The following TEX52 variants were observed in gnomAD, a reference collection of about 807,000 sequenced individuals.
TEX52 encodes testis-expressed protein 52.
In TEX52, 22 loss-of-function variants were observed where a neutral mutation model predicts 17.6. That is an observed-to-expected ratio of 1.25 (90% CI 0.89 to 1.78). The LOEUF (loss-of-function observed/expected upper bound fraction) is 1.78. Ranked by LOEUF, TEX52 falls within the 40% of genes most tolerant of loss-of-function variation. TEX52 has a pLI of 0.00. For synonymous variants in TEX52, 168 were observed against 147.4 expected, an observed-to-expected ratio of 1.14 and a Z score of -1.01; for missense variants, 396 against 372.3, an observed-to-expected ratio of 1.06 and a Z score of -0.52.
Position 2,854,936 on chromosome 12 carries a change from C to T in TEX52, c.583G>A (p.Asp195Asn), listed in dbSNP as rs775170397. The change falls in exon 2 of 3, where the codon GAT becomes AAT. Residue 195 changes from aspartate (D) to asparagine (N), a missense_variant. Asp to Asn is a conservative substitution (Grantham distance 23). Coordinates refer to ENST00000637658, the MANE Select transcript of TEX52 (RefSeq NM_001365174.2). ...GGCGGCTGGATGTTGCCCTGGGCATCGAGTGGGGGTGCTCTTGCCTCACTC... is the reference window on the plus strand; with the variant it reads ...GGCGGCTGGATGTTGCCCTGGGCATTGAGTGGGGGTGCTCTTGCCTCACTC... Reference protein sequence around the residue: ...LRSEARAPPLDAQGNIQPPAS... With the variant: ...LRSEARAPPLNAQGNIQPPAS... The T allele has an allele frequency of 7.5e-5, 115 of 1,535,924 alleles. 1 individual carries two copies. In the African/African-American group the frequency reaches 9.2e-4, roughly 12 times the overall value.
At position 2,856,944 on chromosome 12, in the gene TEX52, C is replaced by T. The variant is rs1312379755; in HGVS notation, c.72+11G>A. ...CAAAAAGGTAGGCGGCAGAGATGGGCCACCCCCTACCTGCAGGAAAGGTTC... is the reference window on the plus strand; with the variant it reads ...CAAAAAGGTAGGCGGCAGAGATGGGTCACCCCCTACCTGCAGGAAAGGTTC... On this transcript the variant is annotated intron_variant, in intron 1 of 2. Coordinates refer to ENST00000637658, the MANE Select transcript of TEX52 (RefSeq NM_001365174.2). 4 of 703,044 alleles carry T rather than the reference C, an allele frequency of 5.7e-6. No individual in the cohort carries two copies. The East Asian group carries it at 1.1e-4, about 19-fold the overall frequency. 43.6% of individuals were successfully genotyped at this position (703,044 alleles called of 1,614,324 possible).
chr12:2,854,557 C>T (rs183527327), intron 2 of TEX52, among the ~76,000 whole-genome samples: 6 of 152,228 alleles, frequency 3.9e-5, no homozygotes, highest in Non-Finnish European at 5.9e-5. Context: ...CCCCCTGTCT[C>T]GCACTCTGGG....
intron 2 of TEX52, among the ~76,000 whole-genome samples, chr12:2,854,550 C>G (rs191688745): frequency 6.6e-6 from 1 of 152,184 alleles, no homozygotes; most frequent in Admixed American, 6.5e-5. Context: ...TACAACACCC[C>G]CTGTCTCGCA....
chr12:2,848,896 CA>C (rs61196975), downstream of TEX52: 1,355 of 339,788 alleles, frequency 4.0e-3, 22 homozygotes, highest in African/African-American at 0.027. Flanking sequence ...CACACACACA[CA>C]CACACACACA....
chr12:2,853,659 G>A (rs1003522671), intron 2 of TEX52, among the ~76,000 whole-genome samples: 8 of 151,612 alleles, frequency 5.3e-5, no homozygotes, highest in Non-Finnish European at 1.0e-4. Flanking sequence ...CAACTCCCCA[G>A]TGCTTTGGTC....
rs1490514024 is a variant in TEX52, at chr12:2,849,063, A to G, written c.*168T>C. Reference sequence around the variant, plus strand: ...ATTTAGAATTTCAGTTGAATCTCCAATAGCCTGGGGTACAGAGGTGGCTTG... The same window carrying G: ...ATTTAGAATTTCAGTTGAATCTCCAGTAGCCTGGGGTACAGAGGTGGCTTG... On this transcript the variant is annotated 3_prime_UTR_variant, in exon 3 of 3. Transcript: ENST00000637658. 6.1e-6 allele frequency: 4 copies of G among 657,954 alleles called. No homozygotes were observed. Among genetic ancestry groups the G allele is most frequent in the Non-Finnish European group, 7.5e-6 (3 of 399,160 alleles). The allele number at this position is 657,954 out of a possible 1,614,324, so 40.8% of individuals were successfully genotyped here.
chr12:2,848,343 C>T (rs2098058966), downstream of TEX52, among the ~76,000 whole-genome samples: 1 of 152,210 alleles, frequency 6.6e-6, no homozygotes, highest in Admixed American at 6.5e-5. Context: ...CCCTCCCCAA[C>T]CATCTCCACC....
chr12:2,849,461 A>C lies in TEX52; in HGVS notation c.688T>G (p.Phe230Val). ...PQGLQLMPNPFPNNFARSWPC... is the reference protein window; with the variant it reads ...PQGLQLMPNPVPNNFARSWPC... ...CAGCTCCTGGCGAAATTATTGGGAA[A>C]CGGGTTGGGCATGAGCTGGAGGCCC... The change falls in exon 3 of 3, where the codon TTT (phenylalanine) becomes GTT (valine). Residue 230 changes from phenylalanine (F) to valine (V), a missense_variant. Transcript: ENST00000637658. The C allele has an allele frequency of 6.5e-7, 1 of 1,536,166 alleles. No homozygotes were observed. Among genetic ancestry groups the C allele is most frequent in the Non-Finnish European group, 8.7e-7 (1 of 1,146,918 alleles).
rs1393693978 is a variant in TEX52 at position 2,849,350 on chromosome 12, T to A, written c.799A>T (p.Ile267Leu). 3.9e-6 allele frequency: 6 copies of A among 1,536,162 alleles called. No individual in the cohort carries two copies. Among genetic ancestry groups the A allele is most frequent in the Non-Finnish European group, 5.2e-6 (6 of 1,146,916 alleles). Residue 267 changes from isoleucine (I) to leucine (L), a missense_variant, in exon 3 of 3, where the codon ATA (isoleucine) becomes TTA (leucine). Ile to Leu is a conservative substitution (Grantham distance 5, BLOSUM62 2). Coordinates refer to ENST00000637658, the MANE Select transcript of TEX52 (RefSeq NM_001365174.2). ...LPSAPLSQDL[I>L]RDFQTLIKDR... is the part of the protein sequence containing the mutation. Reference sequence around the variant, plus strand: ...TTTATCAGGGTTTGGAAATCCCTTATGAGGTCCTGGCTCAGGGGCGCGCTG... The same window carrying A: ...TTTATCAGGGTTTGGAAATCCCTTAAGAGGTCCTGGCTCAGGGGCGCGCTG...
rs1220901939 is a variant in TEX52, at chr12:2,855,318, C to T, written c.201G>A (p.Leu67=). 2.6e-6 allele frequency: 4 copies of T among 1,531,312 alleles called. No homozygotes were observed. Among genetic ancestry groups the T allele is most frequent in the Non-Finnish European group, 3.5e-6 (4 of 1,143,454 alleles). The allele number at this position is 1,531,312 out of a possible 1,614,324, so 94.9% of individuals were successfully genotyped here. Residue 67 remains leucine (L), a synonymous_variant, in exon 2 of 3, where the codon CTG becomes CTA. Coordinates refer to ENST00000637658, the MANE Select transcript of TEX52 (RefSeq NM_001365174.2). ...RQAYHQLALK[L]PPCTDMKSKV... ...TGGACTTCATATCTGTGCAGGGCGG[C>T]AGCTTCAGAGCCAGCTGGTGGTAGG...
chr12:2,852,172 A>C (rs1565449678), intron 2 of TEX52, among the ~76,000 whole-genome samples: 1 of 152,134 alleles, frequency 6.6e-6, no homozygotes, highest in Admixed American at 6.5e-5. Flanking sequence ...TGGGGACCTA[A>C]TTCCTTGTCT....
At chr12:2,849,612 C>T in intron 2 of TEX52, 87 bp from the exon 3 acceptor site, 1 of 1,426,054 alleles carries the variant, frequency 7.0e-7, no homozygotes. Flanking sequence ...AAGGGTGATG[C>T]CGCTGTCCAC....
chr12:2,849,645 CAGGGAATCCCTTCT>C, intron 2 of TEX52, 120 bp from the exon 3 acceptor site: 1 of 1,133,764 alleles, frequency 8.8e-7, no homozygotes, highest in Non-Finnish European at 1.2e-6. Context: ...CATCAGGCGG[CAGGGAATCCCTTCT>C]GTCTCTCCAC....
chr12:2,850,954 G>A (rs528923354), intron 2 of TEX52, among the ~76,000 whole-genome samples: 18 of 148,974 alleles, frequency 1.2e-4, no homozygotes, highest in African/African-American at 3.2e-4. Flanking sequence ...TTACAAGCAT[G>A]AGCCAACACA....
At chr12:2,849,567 A>C in intron 2 of TEX52, 42 bp from the exon 3 acceptor site, 1 of 1,534,108 alleles carries the variant, frequency 6.5e-7, no homozygotes. Flanking sequence ...AGATCAAAGA[A>C]GAGATCCAGG....
chr12:2,853,008 A>G (rs1272525793), intron 2 of TEX52, among the ~76,000 whole-genome samples: 1 of 145,242 alleles, frequency 6.9e-6, no homozygotes, highest in Non-Finnish European at 1.5e-5. Context: ...TCAAAAAAAA[A>G]GAAACAACAA....
chr12:2,850,031 CCT>C (rs556702987), intron 2 of TEX52, among the ~76,000 whole-genome samples: 29 of 152,282 alleles, frequency 1.9e-4, no homozygotes, highest in African/African-American at 2.6e-4. Context: ...CAGATAGTCC[CCT>C]GTTTGCTGTT....
At position 2,852,242 on chromosome 12, in the gene TEX52, A is replaced by G. The variant is rs142232361; in HGVS notation, c.623+2654T>C. Among the ~76,000 whole-genome samples the G allele has an allele frequency of 2.2e-3, 334 of 152,302 alleles. 2 individuals are homozygous for G. The highest frequency in any genetic ancestry group is 7.7e-3 in the African/African-American group (318 of 41,564). On this transcript the variant is annotated intron_variant, in intron 2 of 2. Transcript: ENST00000637658. ...GGGCCTACAGCAGTAAACATGTGAG[A>G]CAAGGATCCTACTGTCATGGAGATA...
rs115834226 is a variant in TEX52, at chr12:2,856,950, C to A, written c.72+5G>T. On this transcript the variant is annotated splice_donor_5th_base_variant and intron_variant, in intron 1 of 2. Coordinates refer to ENST00000637658, the MANE Select transcript of TEX52 (RefSeq NM_001365174.2). The stretch of plus-strand genomic sequence containing the variant: ...GGTAGGCGGCAGAGATGGGCCACCC[C>A]CTACCTGCAGGAAAGGTTCTTCCAT... 8.0e-3 allele frequency: 5,628 copies of A among 703,018 alleles called. 226 individuals carry two copies. The African/African-American group carries it at 0.088, about 11-fold the overall frequency. 43.5% of individuals were successfully genotyped at this position (703,018 alleles called of 1,614,324 possible).
Sources: allele counts gnomAD v4.1 joint callset (sites outside exome capture counted in the v4.1 genomes callset), GRCh38; gene constraint gnomAD v4.1.1; transcripts MANE v1.5; gene names NCBI Gene and HGNC (gene_info 2026-07-23, HGNC 2026-07-21).